The following HLF variants were observed in gnomAD, a reference collection of about 807,000 sequenced individuals.
HLF encodes the protein hepatic leukemia factor.
A neutral mutation model predicts 22.6 loss-of-function variants in HLF; 3 were observed. The observed-to-expected ratio is 0.13, with a 90% CI of 0.06 to 0.34. HLF has a LOEUF of 0.34. Among genes scored for constraint, HLF ranks in the 10% least tolerant of loss-of-function variants. The pLI is 1.00. For missense variants in HLF, 299 were observed against 389.2 expected (o/e 0.77, Z 1.95); for synonymous variants, 151 against 151.8 (o/e 0.99, Z 0.04).
chr17:55,265,910 G>C lies in HLF; in HGVS notation c.115+311G>C, dbSNP rs955589155. 2.2e-5 allele frequency: 24 copies of C among 1,069,402 alleles called. 2 individuals carry two copies. In the East Asian group the frequency reaches 2.3e-4, roughly 10 times the overall value. The allele number at this position is 1,069,402 out of a possible 1,614,324, so 66.2% of individuals were successfully genotyped here. A position where few individuals can be genotyped will look rare whatever the true frequency, so the allele number is the denominator to read the frequency against. On this transcript the variant is annotated intron_variant, in intron 1 of 3. Transcript: ENST00000226067. ...AGGTCAGGATCGTTCCCTAGAACGAGGCACACCCGCACGCAGAGCGAGCCC... is the reference window on the plus strand; with the variant it reads ...AGGTCAGGATCGTTCCCTAGAACGACGCACACCCGCACGCAGAGCGAGCCC...
chr17:55,265,804 T>C, intron 1 of HLF: 1 of 1,321,330 alleles, frequency 7.6e-7, no homozygotes, highest in Non-Finnish European at 9.6e-7. Flanking sequence ...GGACCCCTCC[T>C]GAGCTACATT....
At chr17:55,284,076 A>G (rs560255273) in intron 2 of HLF, 3 of 152,316 alleles carry the variant, frequency 2.0e-5, no homozygotes, top group African/African-American at 7.2e-5. Flanking sequence ...TGAACTCTTC[A>G]GATTTTTCTT....
chr17:55,320,515 G>A lies in HLF; in HGVS notation c.673-149G>A. ...GCTCATGGGCCACACTCTCAGACATGCAGAAACTGTAAAGGAAGGAGACAC... is the reference window on the plus strand; with the variant it reads ...GCTCATGGGCCACACTCTCAGACATACAGAAACTGTAAAGGAAGGAGACAC... On this transcript the variant is annotated intron_variant, in intron 3 of 3. Coordinates refer to ENST00000226067, the MANE Select transcript of HLF (RefSeq NM_002126.5). The surrounding 1 kb of genome is among the most constrained non-coding windows in gnomAD (Gnocchi z 4.2). 3 of 645,668 alleles carry A rather than the reference G, an allele frequency of 4.6e-6. No homozygotes were observed. The highest frequency in any genetic ancestry group is 8.1e-6 in the Non-Finnish European group (3 of 369,610). The allele number at this position is 645,668 out of a possible 1,614,324, so 40.0% of individuals were successfully genotyped here.
At chr17:55,306,537 A>AGCGTGTGTGT (rs373738047) in intron 2 of HLF, among the ~76,000 whole-genome samples, 1 of 143,600 alleles carries the variant, frequency 7.0e-6, no homozygotes, top group African/African-American at 2.6e-5. Flanking sequence ...GCAAAAAGGA[A>AGCGTGTGTGT]GTGTGTGTGT....
rs1905315159 is a variant in HLF, at chr17:55,323,029, T to C, written c.*2150T>C. The stretch of plus-strand genomic sequence containing the variant: ...GCCTTCAGAGTATCTAATCCTTTAA[T>C]GATCTGGTGGTCTCCTCGTCAATCC... On this transcript the variant is annotated 3_prime_UTR_variant, in exon 4 of 4. Coordinates refer to ENST00000226067, the MANE Select transcript of HLF (RefSeq NM_002126.5). 4.5e-6 allele frequency: 1 copy of C among 221,008 alleles called. No individual in the cohort carries two copies. Among genetic ancestry groups the C allele is most frequent in the African/African-American group, 2.2e-5 (1 of 44,676 alleles). The allele number at this position is 221,008 out of a possible 1,614,324, so 13.7% of individuals were successfully genotyped here. A position where few individuals can be genotyped will look rare whatever the true frequency, so the allele number is the denominator to read the frequency against.
At chr17:55,311,336 C>T (rs964074392) in intron 2 of HLF, among the ~76,000 whole-genome samples, 4 of 151,928 alleles carry the variant, frequency 2.6e-5, no homozygotes, top group Non-Finnish European at 5.9e-5. Flanking sequence ...TTAGTCTCTA[C>T]TTAAAATACA....
intron 2 of HLF, among the ~76,000 whole-genome samples, chr17:55,277,278 C>CGT (rs2080914005): frequency 4.5e-5 from 4 of 88,208 alleles, no homozygotes; most frequent in Admixed American, 3.0e-4. Context: ...TGTGTGTGCG[C>CGT]GCGCATGTGT....
Position 55,292,413 on chromosome 17 carries a change from A to G in HLF, c.452-22814A>G, listed in dbSNP as rs537502429. Among the ~76,000 whole-genome samples, 12 of 152,344 alleles carry G rather than the reference A, an allele frequency of 7.9e-5. No individual in the cohort carries two copies. The East Asian group carries it at 2.1e-3, about 27-fold the overall frequency. On this transcript the variant is annotated intron_variant, in intron 2 of 3. Transcript: ENST00000226067. ...CCATCATAAGTAAAAATGGCCCACT[A>G]AAGGCTCAGGTGATCTTTACCATTG...
Position 55,320,755 on chromosome 17 carries a change from T to C in HLF, c.764T>C (p.Ile255Thr). ...AGGCTGAAAGAGAACCAGATCGCCA[T>C]CCGGGCCTCGTTCCTGGAGAAGGAG... is the stretch of plus-strand genomic sequence containing the variant. The part of the protein sequence containing the change: ...ARRLKENQIA[I>T]RASFLEKENS... The change falls in exon 4 of 4, where the codon ATC (isoleucine) becomes ACC (threonine). Residue 255 changes from isoleucine to threonine, a missense_variant. Coordinates refer to ENST00000226067, the MANE Select transcript of HLF (RefSeq NM_002126.5). This position sits in a 1 kb window ranked among gnomAD's most constrained non-coding sequence, Gnocchi z 4.2. 1.2e-6 allele frequency: 2 copies of C among 1,614,040 alleles called. No individual in the cohort carries two copies. Among genetic ancestry groups the C allele is most frequent in the Non-Finnish European group, 1.7e-6 (2 of 1,179,944 alleles).
intron 2 of HLF, chr17:55,284,106 G>C (rs1239184557): frequency 5.3e-5 from 8 of 152,190 alleles, no homozygotes; most frequent in Admixed American, 5.2e-4. Context: ...AACGGTTGAG[G>C]GGGAGTGTAG....
chr17:55,318,722 C>T (rs1905159787), intron 3 of HLF, among the ~76,000 whole-genome samples: 1 of 152,154 alleles, frequency 6.6e-6, no homozygotes, highest in Non-Finnish European at 1.5e-5. Context: ...TCTTGGAAAC[C>T]GCACTCCCAG....
At chr17:55,308,256 CTGG>C (rs1904673451) in intron 2 of HLF, among the ~76,000 whole-genome samples, 3 of 152,172 alleles carry the variant, frequency 2.0e-5, no homozygotes, top group Non-Finnish European at 4.4e-5. Flanking sequence ...ACAGACAGTG[CTGG>C]CTTAGACAAG....
Position 55,267,690 on chromosome 17 carries a change from G to C in HLF, c.116-61G>C, listed in dbSNP as rs2302739. Reference sequence around the variant, plus strand: ...TAACAGGCCAGGAAAAGTGATAAAAGAGCGGTATTGTTTTTCTTTTCTTTC... The same window carrying C: ...TAACAGGCCAGGAAAAGTGATAAAACAGCGGTATTGTTTTTCTTTTCTTTC... On this transcript the variant is annotated intron_variant, in intron 1 of 3. Coordinates refer to ENST00000226067, the MANE Select transcript of HLF (RefSeq NM_002126.5). 2.5e-4 allele frequency: 292 copies of C among 1,178,756 alleles called. 3 individuals carry two copies. The East Asian group carries it at 7.0e-3, about 28-fold the overall frequency. 73.0% of individuals were successfully genotyped at this position (1,178,756 alleles called of 1,614,324 possible).
intron 2 of HLF, among the ~76,000 whole-genome samples, chr17:55,285,806 T>C (rs2080998456): frequency 1.3e-5 from 2 of 152,164 alleles, no homozygotes; most frequent in African/African-American, 4.8e-5. Context: ...TGGTGTCTAT[T>C]TGGGGAGTAA....
Position 55,265,409 on chromosome 17 carries a change from G to A in HLF, c.-76G>A, listed in dbSNP as rs1481140733. On this transcript the variant is annotated 5_prime_UTR_variant, in exon 1 of 4. Transcript: ENST00000226067. ...ACTTTTGGCAAAGGACGGAGGAAAA[G>A]CTCAGCAACATTTTAGGGGGCGGTT... 3 of 871,294 alleles carry A rather than the reference G, an allele frequency of 3.4e-6. No homozygotes were observed. Among genetic ancestry groups the A allele is most frequent in the South Asian group, 1.4e-5 (1 of 69,468 alleles). 54.0% of individuals were successfully genotyped at this position (871,294 alleles called of 1,614,324 possible).
intron 2 of HLF, among the ~76,000 whole-genome samples, chr17:55,299,033 A>G (rs572364720): frequency 2.0e-5 from 3 of 152,338 alleles, no homozygotes; most frequent in African/African-American, 4.8e-5. Flanking sequence ...TCACAAAGGT[A>G]TATATCAGTT....
intron 2 of HLF, among the ~76,000 whole-genome samples, chr17:55,305,048 A>G (rs1399956824): frequency 1.3e-5 from 2 of 152,188 alleles, no homozygotes; most frequent in African/African-American, 2.4e-5. Context: ...TTTGCATACT[A>G]ATAGTTTAAG....
intron 2 of HLF, among the ~76,000 whole-genome samples, chr17:55,270,132 G>A (rs1049440804): frequency 2.0e-4 from 30 of 152,324 alleles, no homozygotes; most frequent in African/African-American, 7.2e-4. Context: ...GCAATGCATA[G>A]CAAAGAACTC....
intron 2 of HLF, among the ~76,000 whole-genome samples, chr17:55,286,623 G>A (rs1014759155): frequency 2.0e-5 from 3 of 152,058 alleles, no homozygotes; most frequent in African/African-American, 4.8e-5. Context: ...TAATAATGAC[G>A]TTTCTTTTCT....
Sources: gnomAD v4.1 joint callset for allele counts (sites outside exome capture counted in the v4.1 genomes callset) on GRCh38, gnomAD v4.1.1 for gene constraint, Gnocchi (gnomAD v3.1) non-coding constraint, MANE v1.5 for transcripts, NCBI Gene and HGNC (gene_info 2026-07-23, HGNC 2026-07-21) for gene names.